SLC44A1: variants seen among roughly 807,000 people sequenced by gnomAD.
SLC44A1 encodes solute carrier family 44 member 1.
SLC44A1 carries 26 observed loss-of-function variants against 79.3 expected under a neutral mutation model. The ratio of observed to expected loss-of-function variants is 0.33; its 90% CI spans 0.24 to 0.46. The LOEUF is 0.46. SLC44A1 is among the 20% of genes least tolerant of loss of function. The pLI, the probability that SLC44A1 is intolerant of heterozygous loss-of-function variation, is 1.00. For synonymous variants in SLC44A1, 263 were observed against 286.2 expected (o/e 0.92, Z 0.82); for missense variants, 688 against 798.1 (o/e 0.86, Z 1.66).
At chr9:105,339,164 A>G (rs1827012842) in intron 4 of SLC44A1, among the ~76,000 whole-genome samples, 1 of 152,224 alleles carries the variant, frequency 6.6e-6, no homozygotes, top group South Asian at 2.1e-4. Flanking sequence ...AAGTCAACCC[A>G]TAGAAGATAT....
intron 3 of SLC44A1, among the ~76,000 whole-genome samples, chr9:105,327,592 A>G: frequency 6.6e-6 from 1 of 152,136 alleles, no homozygotes; most frequent in Non-Finnish European, 1.5e-5. Context: ...TGCATGATCT[A>G]GCATCAGCTT....
intron 1 of SLC44A1, among the ~76,000 whole-genome samples, chr9:105,280,894 G>T (rs1830335134): frequency 6.6e-6 from 1 of 152,206 alleles, no homozygotes; most frequent in Non-Finnish European, 1.5e-5. Flanking sequence ...AATGTTCAAG[G>T]TTGTCTCTCA....
At chr9:105,324,212 C>T (rs898067244) in intron 3 of SLC44A1, among the ~76,000 whole-genome samples, 4 of 150,654 alleles carry the variant, frequency 2.7e-5, no homozygotes, top group East Asian at 2.0e-4. Context: ...CTCCTGACCT[C>T]GTGATCAGGA....
At chr9:105,265,367 G>A (rs939118680) in intron 1 of SLC44A1, among the ~76,000 whole-genome samples, 1 of 152,120 alleles carries the variant, frequency 6.6e-6, no homozygotes, top group African/African-American at 2.4e-5. Flanking sequence ...TTTCCAGAAT[G>A]TCATATAAAT....
At chr9:105,259,647 TGACAA>T in intron 1 of SLC44A1, among the ~76,000 whole-genome samples, 1 of 152,246 alleles carries the variant, frequency 6.6e-6, no homozygotes, top group Admixed American at 6.5e-5. Context: ...TGTATTTTCA[TGACAA>T]TTCTGAAACC....
intron 4 of SLC44A1, among the ~76,000 whole-genome samples, chr9:105,348,012 C>T (rs1032458456): frequency 1.3e-5 from 2 of 152,146 alleles, no homozygotes; most frequent in African/African-American, 4.8e-5. Context: ...CTATTTCCTT[C>T]TCTTTAAAGT....
chr9:105,432,885 G>C lies in SLC44A1; in HGVS notation c.1951-5396G>C, dbSNP rs1353796220. Among the ~76,000 whole-genome samples, 4 of 152,106 alleles carry C rather than the reference G, an allele frequency of 2.6e-5. No homozygotes were observed. In the East Asian group the frequency reaches 7.7e-4, roughly 29 times the overall value. On this transcript the variant is annotated intron_variant, in intron 15 of 15. Transcript: ENST00000374724. ...TTCCATTTGACACTGTAAAAAATAAGAACTTCAGTTCATCAAAAGACACCA... is the reference window on the plus strand; with the variant it reads ...TTCCATTTGACACTGTAAAAAATAACAACTTCAGTTCATCAAAAGACACCA...
chr9:105,431,977 CA>C (rs1199089012), intron 15 of SLC44A1, among the ~76,000 whole-genome samples: 1 of 152,224 alleles, frequency 6.6e-6, no homozygotes, highest in Non-Finnish European at 1.5e-5. Flanking sequence ...GGCTTTAGTG[CA>C]GTGGCGCAAT....
At chr9:105,314,797 C>A (rs1260117974) in intron 3 of SLC44A1, among the ~76,000 whole-genome samples, 3 of 152,176 alleles carry the variant, frequency 2.0e-5, no homozygotes, top group African/African-American at 7.2e-5. Context: ...ACCAGATTAC[C>A]TAGTAAAAAC....
rs115441783 is a variant in SLC44A1, at chr9:105,298,026, A to G, written c.37-1194A>G. On this transcript the variant is annotated intron_variant, in intron 1 of 15. Transcript: ENST00000374720. Reference sequence around the variant, plus strand: ...TGAGACTCGGGCATTTTTGTTCATTAGAAAGCTCAGGGGGGTTATTTCAGT... The same window carrying G: ...TGAGACTCGGGCATTTTTGTTCATTGGAAAGCTCAGGGGGGTTATTTCAGT... Among the ~76,000 whole-genome samples, 1,073 of 152,172 alleles carry G rather than the reference A, an allele frequency of 7.1e-3. 9 individuals are homozygous for G. Among genetic ancestry groups the G allele is most frequent in the African/African-American group, 0.024 (992 of 41,506 alleles).
chr9:105,368,416 T>C (rs545490263), intron 12 of SLC44A1, among the ~76,000 whole-genome samples: 1 of 152,328 alleles, frequency 6.6e-6, no homozygotes, highest in African/African-American at 2.4e-5. Flanking sequence ...TCTCCTGGGC[T>C]CATAGGAAAT....
intron 1 of SLC44A1, among the ~76,000 whole-genome samples, chr9:105,297,760 G>C (rs931143959): frequency 6.6e-6 from 1 of 152,164 alleles, no homozygotes; most frequent in African/African-American, 2.4e-5. Context: ...TATGGTTTTA[G>C]AGGGAGAGAG....
At chr9:105,433,718 C>A (rs1295312879) in intron 15 of SLC44A1, among the ~76,000 whole-genome samples, 1 of 149,844 alleles carries the variant, frequency 6.7e-6, no homozygotes, top group Non-Finnish European at 1.5e-5. Flanking sequence ...GAAAAATATT[C>A]TCCAGGGAAT....
Position 105,389,104 on chromosome 9 carries a change from T to C in SLC44A1, c.*48T>C. 1 of 1,605,836 alleles carries C rather than the reference T, an allele frequency of 6.2e-7. No individual in the cohort carries two copies. Among genetic ancestry groups the C allele is most frequent in the Non-Finnish European group, 8.5e-7 (1 of 1,173,192 alleles). On this transcript the variant is annotated 3_prime_UTR_variant, in exon 16 of 16. Transcript: ENST00000374720. Reference sequence around the variant, plus strand: ...CCCATTGACATTCCAAAACAATATATACACATAACTATGTATTTGTGTGTG... The same window carrying C: ...CCCATTGACATTCCAAAACAATATACACACATAACTATGTATTTGTGTGTG...
intron 1 of SLC44A1, among the ~76,000 whole-genome samples, chr9:105,246,163 G>GA (rs774990045): frequency 6.6e-6 from 1 of 152,092 alleles, no homozygotes; most frequent in Non-Finnish European, 1.5e-5. Context: ...AGTTTGGGGG[G>GA]AAAAAATTCC....
At chr9:105,379,406 A>G (rs997371919) in intron 13 of SLC44A1, among the ~76,000 whole-genome samples, 1 of 152,228 alleles carries the variant, frequency 6.6e-6, no homozygotes, top group African/African-American at 2.4e-5. Context: ...TATATTCTGC[A>G]TCTTCACAGT....
At chr9:105,348,321 A>G (rs1827301828) in intron 4 of SLC44A1, 37 bp from the exon 5 acceptor site, 1 of 1,120,412 alleles carries the variant, frequency 8.9e-7, no homozygotes, top group Non-Finnish European at 1.3e-6. Flanking sequence ...ATTTTTTCAG[A>G]CTGTTCTGCC....
chr9:105,361,539 C>G (rs1331536489), intron 8 of SLC44A1, among the ~76,000 whole-genome samples: 4 of 152,132 alleles, frequency 2.6e-5, no homozygotes, highest in African/African-American at 9.7e-5. Context: ...TTTTTCTACC[C>G]TGTCTGCTTT....
chr9:105,333,083 C>T (rs1826801226), intron 3 of SLC44A1, among the ~76,000 whole-genome samples: 1 of 152,062 alleles, frequency 6.6e-6, no homozygotes, highest in African/African-American at 2.4e-5. Context: ...TAGCATAAAT[C>T]AAAGGAATAT....
Sources: allele counts gnomAD v4.1 joint callset (sites outside exome capture counted in the v4.1 genomes callset), GRCh38; gene constraint gnomAD v4.1.1; transcripts MANE v1.5; gene names NCBI Gene and HGNC (gene_info 2026-07-23, HGNC 2026-07-21).